Variants in AKTIP observed in about 807,000 individuals in gnomAD.
The protein encoded by AKTIP is AKT-interacting protein.
In AKTIP, 16 loss-of-function variants were observed where a neutral mutation model predicts 39.1. The observed-to-expected ratio is 0.41, with a 90% CI of 0.28 to 0.62. AKTIP has a LOEUF of 0.62. Ranked by LOEUF, AKTIP falls within the 20% of genes least tolerant of loss-of-function variation. The pLI is 0.32. For synonymous variants in AKTIP, 93 were observed against 124.3 expected, an observed-to-expected ratio of 0.75 and a Z score of 1.67; for missense variants, 262 against 356.6, an observed-to-expected ratio of 0.73 and a Z score of 2.14.
chr16:53,495,199 G>A (rs1961756227), intron 4 of AKTIP, 26 bp from the exon 5 acceptor site: 2 of 1,612,710 alleles, frequency 1.2e-6, no homozygotes, highest in Non-Finnish European at 1.7e-6. Flanking sequence ...AAAGAGTTAA[G>A]GCCTAAATTT....
chr16:53,493,984 C>A (rs1217439832), intron 8 of AKTIP, 154 bp downstream of exon 8: 1 of 601,434 alleles, frequency 1.7e-6, no homozygotes, highest in Non-Finnish European at 3.0e-6. Flanking sequence ...CCTCAAGAGG[C>A]ATCAGAAATC....
intron 1 of AKTIP, chr16:53,502,699 C>A (rs1962245153): frequency 6.6e-6 from 1 of 152,284 alleles, no homozygotes; most frequent in African/African-American, 2.4e-5. Context: ...TCTGGACAAA[C>A]CTGTCTCGAG....
intron 3 of AKTIP, among the ~76,000 whole-genome samples, chr16:53,496,703 G>A (rs751094263): frequency 1.3e-5 from 2 of 151,830 alleles, no homozygotes; most frequent in Non-Finnish European, 2.9e-5. Flanking sequence ...GTGTGGTGGC[G>A]CACACCTGTA....
chr16:53,493,443 A>G (rs1466598142), intron 8 of AKTIP: 4 of 153,332 alleles, frequency 2.6e-5, no homozygotes, highest in Non-Finnish European at 4.4e-5. Flanking sequence ...AAGTGCTGGG[A>G]TTACAAGTGT....
intron 3 of AKTIP, among the ~76,000 whole-genome samples, chr16:53,497,542 C>T (rs1961913264): frequency 6.6e-6 from 1 of 152,216 alleles, no homozygotes; most frequent in South Asian, 2.1e-4. Flanking sequence ...AAGGACTGGC[C>T]TTCCTGGTCC....
intron 1 of AKTIP, chr16:53,501,032 G>C (rs923955086): frequency 4.6e-5 from 7 of 152,156 alleles, no homozygotes; most frequent in Admixed American, 1.3e-4. Context: ...CACATAAGTT[G>C]TATCACTGTT....
Position 53,492,773 on chromosome 16 carries a change from T to C in AKTIP, c.711-20A>G. On this transcript the variant is annotated intron_variant, in intron 8 of 9. Transcript: ENST00000394657. Reference sequence around the variant, plus strand: ...GAAAAGCTTAAGGAAGAGAAAAGTATTTAAAAACTATTTGTTGGCTCACTA... The same window carrying C: ...GAAAAGCTTAAGGAAGAGAAAAGTACTTAAAAACTATTTGTTGGCTCACTA... 1.2e-6 allele frequency: 2 copies of C among 1,608,278 alleles called. No individual in the cohort carries two copies. Among genetic ancestry groups the C allele is most frequent in the African/African-American group, 1.3e-5 (1 of 74,816 alleles).
chr16:53,492,944 C>T, intron 8 of AKTIP, 191 bp from the exon 9 acceptor site: 1 of 574,746 alleles, frequency 1.7e-6, no homozygotes, highest in Non-Finnish European at 3.1e-6. Context: ...TGAATGATCT[C>T]ATTTAAGCCT....
At chr16:53,498,148 C>T (rs532505478) in intron 3 of AKTIP, among the ~76,000 whole-genome samples, 1 of 152,332 alleles carries the variant, frequency 6.6e-6, no homozygotes, top group East Asian at 1.9e-4. Context: ...ATCTTATTCA[C>T]CCGAGCTCTA....
rs527568009 is a variant in AKTIP, at chr16:53,499,456, T to G, written c.42+762A>C. Among the ~76,000 whole-genome samples the G allele has an allele frequency of 2.6e-3, 393 of 151,622 alleles. 3 individuals carry two copies. Among genetic ancestry groups the G allele is most frequent in the Non-Finnish European group, 4.4e-3 (298 of 67,842 alleles). On this transcript the variant is annotated intron_variant, in intron 2 of 9. Coordinates refer to ENST00000394657, the MANE Select transcript of AKTIP (RefSeq NM_022476.4). ...CCTAGAGGTGAGATTATAGTTTTTT[T>G]TTTTTTTTTTTCTTTTTGAGATGGA...
intron 5 of AKTIP, 46 bp from the exon 6 acceptor site, chr16:53,494,651 C>T (rs1052650300): frequency 1.1e-5 from 17 of 1,555,708 alleles, no homozygotes; most frequent in African/African-American, 4.1e-5. Context: ...GAAGCAGTGG[C>T]GCTTATGAGA....
chr16:53,496,971 A>AT (rs997561710), intron 3 of AKTIP, among the ~76,000 whole-genome samples: 18 of 149,788 alleles, frequency 1.2e-4, no homozygotes, highest in Non-Finnish European at 1.5e-4. Context: ...GAAATTTTTA[A>AT]TTTTTTTTTT....
rs118126947 is a variant in AKTIP at position 53,494,145 on chromosome 16, C to T, written c.703G>A (p.Ala235Thr). Residue 235 changes from alanine (A) to threonine (T), a missense_variant, in exon 8 of 10, where the codon GCA becomes ACA. By Grantham distance (58) the Ala-to-Thr change is moderately conservative. Around this residue, in one of 4 missense-constraint regions of AKTIP, gnomAD observed 145 missense variants for 159.3 expected, o/e 0.91. Coordinates refer to ENST00000394657, the MANE Select transcript of AKTIP (RefSeq NM_022476.4). ...FDQPKIEDPY[A>T]ISFSPWNPSV... ...GGGGGATGCACCACTTACCTAATTG[C>T]ATAGGGGTCTTCTATTTTAGGTTGG... 4.1e-3 allele frequency: 6,672 copies of T among 1,612,276 alleles called. 20 individuals are homozygous for T. Among genetic ancestry groups the T allele is most frequent in the Non-Finnish European group, 5.0e-3 (5,836 of 1,178,344 alleles).
chr16:53,496,523 T>TAA (rs35572038), intron 3 of AKTIP, among the ~76,000 whole-genome samples: 4 of 141,762 alleles, frequency 2.8e-5, no homozygotes, highest in East Asian at 2.0e-4. Context: ...TTTTTTGGTT[T>TAA]AAAAAAAAAA....
intron 1 of AKTIP, chr16:53,502,594 C>G (rs1283271528): frequency 6.6e-6 from 1 of 152,312 alleles, no homozygotes; most frequent in East Asian, 1.9e-4. Context: ...TGAAAACGGC[C>G]CGGGCCAGGC....
intron 3 of AKTIP, among the ~76,000 whole-genome samples, chr16:53,495,852 C>A (rs1217284264): frequency 6.6e-6 from 1 of 152,208 alleles, no homozygotes. Context: ...ATCACAAGAT[C>A]CCACAGCAGA....
upstream of AKTIP, among the ~76,000 whole-genome samples, chr16:53,503,854 G>A (rs1030566795): frequency 6.6e-6 from 1 of 152,176 alleles, no homozygotes; most frequent in Non-Finnish European, 1.5e-5. Context: ...TGCAGGAGCT[G>A]AAGGCTGGAG....
At chr16:53,494,288 C>G in intron 7 of AKTIP, 43 bp from the exon 8 acceptor site, 1 of 1,611,032 alleles carries the variant, frequency 6.2e-7, no homozygotes, top group South Asian at 1.1e-5. Flanking sequence ...ACTTAATCTA[C>G]TTAGCTGCAT....
chr16:53,491,537 T>TTGTTCAATTAGAATAGTGTTC lies in AKTIP; in HGVS notation c.*854_*874dup, dbSNP rs1961456325. The TTGTTCAATTAGAATAGTGTTC allele has an allele frequency of 2.0e-5, 3 of 152,598 alleles. No homozygotes were observed. In the South Asian group the frequency reaches 6.2e-4, roughly 32 times the overall value. 9.5% of individuals were successfully genotyped at this position (152,598 alleles called of 1,614,324 possible). A position where few individuals can be genotyped will look rare whatever the true frequency, so the allele number is the denominator to read the frequency against. On this transcript the variant is annotated 3_prime_UTR_variant, in exon 10 of 10. Transcript: ENST00000394657. ...TGCTGAGAGAAATATGGAACTTACA[T>TTGTTCAATTAGAATAGTGTTC]TGTTCAATTAGAATAGTGTTCTGCA... is the stretch of plus-strand genomic sequence containing the variant.
Sources: gnomAD v4.1 joint callset for allele counts (sites outside exome capture counted in the v4.1 genomes callset) on GRCh38, gnomAD v4.1.1 for gene constraint, gnomAD v4.1.1 regional missense constraint, MANE v1.5 for transcripts, NCBI Gene and HGNC (gene_info 2026-07-23, HGNC 2026-07-21) for gene names.